The following SRP54 variants were observed in gnomAD, a reference collection of about 807,000 sequenced individuals.
SRP54 encodes signal recognition particle subunit SRP54.
SRP54 carries 10 observed loss-of-function variants against 64.8 expected under a neutral mutation model. The observed-to-expected ratio is 0.15, with a 90% CI of 0.10 to 0.26. The LOEUF (loss-of-function observed/expected upper bound fraction) is 0.26, where lower values mean the gene tolerates loss of function less well. Ranked by LOEUF, SRP54 falls within the 10% of genes least tolerant of loss-of-function variation. The pLI, the probability that SRP54 is intolerant of heterozygous loss-of-function variation, is 1.00. For missense variants in SRP54, 325 were observed against 613.7 expected (o/e 0.53, Z 4.97); for synonymous variants, 193 against 185.6 (o/e 1.04, Z -0.32).
At chr14:35,015,984 T>C (rs1190778895) in intron 11 of SRP54, among the ~76,000 whole-genome samples, 1 of 152,356 alleles carries the variant, frequency 6.6e-6, no homozygotes, top group Admixed American at 6.5e-5. Context: ...AATATTAATA[T>C]CATTTATATT....
intron 2 of SRP54, among the ~76,000 whole-genome samples, chr14:34,998,999 G>T (rs866655291): frequency 0.15 from 14,140 of 96,426 alleles, 1,783 homozygotes; most frequent in East Asian, 0.35. Flanking sequence ...GTGTGTGTGT[G>T]TGTGTGTGTG....
In SRP54 at chr14:35,012,473, T is replaced by C. The variant is rs2044370629; in HGVS notation, c.636+814T>C. Among the ~76,000 whole-genome samples the C allele has an allele frequency of 2.6e-5, 4 of 152,302 alleles. No individual in the cohort carries two copies. The South Asian group carries it at 6.2e-4, about 24-fold the overall frequency. The stretch of plus-strand genomic sequence containing the variant: ...TAATTCTTTGGTTTGTGGTTAATGC[T>C]AATAAGTTTCTTTTCAGTTATGTTG... On this transcript the variant is annotated intron_variant, in intron 8 of 15. Transcript: ENST00000216774.
intron 5 of SRP54, 142 bp from the exon 6 acceptor site, chr14:35,008,485 A>G (rs2044302323): frequency 7.9e-6 from 4 of 506,608 alleles, no homozygotes; most frequent in Admixed American, 4.1e-5. Context: ...GCCACATTCA[A>G]AAATCTTTAA....
Position 35,005,655 on chromosome 14 carries a change from C to T in SRP54, c.256-1628C>T, listed in dbSNP as rs555746496. On this transcript the variant is annotated intron_variant, in intron 4 of 15. Coordinates refer to ENST00000216774, the MANE Select transcript of SRP54 (RefSeq NM_003136.4). ...AATGAATCCTCCTCCTTTGTCCCCCCGCTGAAAGGGCCGGGATTATAGGCA... is the reference window on the plus strand; with the variant it reads ...AATGAATCCTCCTCCTTTGTCCCCCTGCTGAAAGGGCCGGGATTATAGGCA... Among the ~76,000 whole-genome samples, 38 of 152,222 alleles carry T rather than the reference C, an allele frequency of 2.5e-4. No homozygotes were observed. The South Asian group carries it at 5.4e-3, about 22-fold the overall frequency.
chr14:34,999,011 G>T (rs747648915), intron 2 of SRP54, among the ~76,000 whole-genome samples: 4,167 of 46,202 alleles, frequency 0.09, 280 homozygotes, highest in South Asian at 0.15. Flanking sequence ...GTGTGTGTGT[G>T]TGGTTTTTTT....
intron 1 of SRP54, among the ~76,000 whole-genome samples, chr14:34,989,001 T>A (rs2043946433): frequency 6.6e-6 from 1 of 152,170 alleles, no homozygotes; most frequent in African/African-American, 2.4e-5. Flanking sequence ...ACTGTATTGT[T>A]TAGGGAATAA....
intron 14 of SRP54, among the ~76,000 whole-genome samples, chr14:35,023,720 C>G (rs2044572313): frequency 1.3e-5 from 2 of 151,252 alleles, no homozygotes; most frequent in Admixed American, 1.3e-4. Flanking sequence ...GGAGGCGGAG[C>G]TTGCAGTGAG....
intron 13 of SRP54, among the ~76,000 whole-genome samples, chr14:35,020,665 T>G (rs1452247002): frequency 6.6e-6 from 1 of 152,248 alleles, no homozygotes; most frequent in African/African-American, 2.4e-5. Flanking sequence ...CTTTTAAGGT[T>G]GTTTTTTTTC....
intron 7 of SRP54, among the ~76,000 whole-genome samples, chr14:35,010,438 CTG>C (rs772445200): frequency 4.4e-4 from 67 of 152,022 alleles, no homozygotes; most frequent in Non-Finnish European, 7.8e-4. Flanking sequence ...AAGAGCAAAA[CTG>C]TGCCTCAAAA....
chr14:35,000,201 A>G (rs1265020561), intron 3 of SRP54, among the ~76,000 whole-genome samples: 1 of 152,162 alleles, frequency 6.6e-6, no homozygotes, highest in Non-Finnish European at 1.5e-5. Flanking sequence ...ATCTCTTACC[A>G]TGCTTTAGAC....
chr14:34,990,938 C>CTCTG (rs1291041122), intron 1 of SRP54, among the ~76,000 whole-genome samples: 1 of 151,846 alleles, frequency 6.6e-6, no homozygotes, highest in Non-Finnish European at 1.5e-5. Context: ...GACTTTAGTT[C>CTCTG]TCTGGTCTCG....
intron 3 of SRP54, 162 bp downstream of exon 3, chr14:34,999,811 AC>A (rs2044141610): frequency 6.1e-6 from 3 of 491,160 alleles, no homozygotes; most frequent in Admixed American, 3.5e-5. Context: ...CATGTGTAGT[AC>A]GTTTCCATAA....
At chr14:34,995,135 GTGTGTGTGT>G (rs748139653) in intron 1 of SRP54, among the ~76,000 whole-genome samples, 8,918 of 56,622 alleles carry the variant, frequency 0.16, 667 homozygotes, top group Non-Finnish European at 0.21. Flanking sequence ...TCAATAAAGG[GTGTGTGTGT>G]GTGTGTGTGT....
chr14:34,988,864 G>A (rs56686328), intron 1 of SRP54, among the ~76,000 whole-genome samples: 29,861 of 151,484 alleles, frequency 0.2, 3,189 homozygotes, highest in East Asian at 0.38. Flanking sequence ...ATGTAAAATG[G>A]TGTAGTATTT....
chr14:35,010,837 T>C (rs1017747146), intron 7 of SRP54, among the ~76,000 whole-genome samples: 1 of 152,030 alleles, frequency 6.6e-6, no homozygotes, highest in African/African-American at 2.4e-5. Context: ...TAGTAGGGCG[T>C]TATTTAATAA....
At chr14:35,010,428 A>C (rs1203596473) in intron 7 of SRP54, among the ~76,000 whole-genome samples, 1 of 152,106 alleles carries the variant, frequency 6.6e-6, no homozygotes, top group Non-Finnish European at 1.5e-5. Flanking sequence ...CATGGGCAAC[A>C]AGAGCAAAAC....
chr14:35,000,902 C>T (rs776008380), intron 3 of SRP54, 34 bp from the exon 4 acceptor site: 9 of 1,270,194 alleles, frequency 7.1e-6, no homozygotes, highest in Non-Finnish European at 4.3e-6. Context: ...TGATTTTCTC[C>T]TCCCCACCCC....
chr14:34,986,507 T>G (rs532577059), intron 1 of SRP54, among the ~76,000 whole-genome samples: 1 of 152,342 alleles, frequency 6.6e-6, no homozygotes, highest in East Asian at 1.9e-4. Context: ...AGGAACGCTT[T>G]GGAAAATAAT....
At chr14:35,023,870 T>C (rs1452114689) in intron 14 of SRP54, among the ~76,000 whole-genome samples, 2 of 151,994 alleles carry the variant, frequency 1.3e-5, no homozygotes, top group African/African-American at 4.8e-5. Context: ...CTTTGTCTAA[T>C]GTAGTGCCAC....
Sources: gnomAD v4.1 joint callset for allele counts (sites outside exome capture counted in the v4.1 genomes callset) on GRCh38, gnomAD v4.1.1 for gene constraint, MANE v1.5 for transcripts, NCBI Gene and HGNC (gene_info 2026-07-23, HGNC 2026-07-21) for gene names.